The following DPY19L2 variants were observed in gnomAD, a reference collection of about 807,000 sequenced individuals.
DPY19L2 encodes dpy-19 like 2.
A neutral mutation model predicts 97.9 loss-of-function variants in DPY19L2; 34 were observed. The observed-to-expected ratio is 0.35, with a 90% CI of 0.26 to 0.46. DPY19L2 has a LOEUF of 0.46. Among genes scored for constraint, DPY19L2 ranks in the 20% least tolerant of loss-of-function variants. The probability of loss-of-function intolerance (pLI) is 1.00; values close to 1 mark genes in which losing one functional copy is unlikely to be tolerated. For synonymous variants in DPY19L2, 230 were observed against 307.9 expected (o/e 0.75, Z 2.65); for missense variants, 623 against 911.4 (o/e 0.68, Z 4.07).
chr12:63,668,124 C>A lies in DPY19L2; in HGVS notation c.270G>T (p.Ala90=). 1 of 1,614,052 alleles carries A rather than the reference C, an allele frequency of 6.2e-7. No individual in the cohort carries two copies. Among genetic ancestry groups the A allele is most frequent in the Non-Finnish European group, 8.5e-7 (1 of 1,179,986 alleles). The change falls in exon 1 of 22, where the codon GCG becomes GCT. Residue 90 remains alanine (A), a synonymous_variant. Transcript: ENST00000324472. Reference sequence around the variant, plus strand: ...GTTCCTGCACCTTTTCCCGGAGCTGCGCCAGGGAATTACGGACGAACTGGA... The same window carrying A: ...GTTCCTGCACCTTTTCCCGGAGCTGAGCCAGGGAATTACGGACGAACTGGA... ...GPFQFVRNSL[A]QLREKVQELQ...
In DPY19L2 at chr12:63,580,704, G is replaced by A. The variant is rs1880715694; in HGVS notation, c.1858C>T (p.Gln620Ter). The A allele has an allele frequency of 6.2e-7, 1 of 1,613,188 alleles. No individual in the cohort carries two copies. Among genetic ancestry groups the A allele is most frequent in the Non-Finnish European group, 8.5e-7 (1 of 1,179,566 alleles). ...TTGATCCACTGTAAAAGTTCTTCCT[G>A]AGGCAAATTATTAAATTCTCCTATT... ...SIIGEFNNLP[Q>*]EELLQWIKYS... Residue 620 changes from glutamine (Q) to a stop codon, truncating the protein, a stop_gained, in exon 19 of 22, where the codon CAG (glutamine) becomes TAG (stop). Transcript: ENST00000324472. LOFTEE classifies it high-confidence loss of function.
chr12:63,590,077 G>T (rs895071987), intron 16 of DPY19L2, among the ~76,000 whole-genome samples: 5 of 151,954 alleles, frequency 3.3e-5, no homozygotes, highest in African/African-American at 9.7e-5. Context: ...GCAGTGAGCC[G>T]AGATTGTGCC....
intron 16 of DPY19L2, among the ~76,000 whole-genome samples, chr12:63,592,023 GGGGA>G (rs1883122520): frequency 1.6e-4 from 3 of 18,200 alleles, no homozygotes; most frequent in Admixed American, 5.7e-4. Context: ...GGGGAGGGGA[GGGGA>G]GGGGAGGGGA....
chr12:63,611,072 C>A (rs903416363), intron 11 of DPY19L2, among the ~76,000 whole-genome samples: 18 of 151,632 alleles, frequency 1.2e-4, no homozygotes, highest in African/African-American at 4.3e-4. Flanking sequence ...CAAAACAAAC[C>A]AAAACTAAAC....
At chr12:63,591,047 C>T in intron 16 of DPY19L2, 1 of 455,704 alleles carries the variant, frequency 2.2e-6, no homozygotes, top group Non-Finnish European at 4.4e-6. Context: ...CCTTCATGTA[C>T]TCCTTATGGG....
chr12:63,603,087 T>C (rs1282356513), intron 12 of DPY19L2, among the ~76,000 whole-genome samples: 1 of 152,110 alleles, frequency 6.6e-6, no homozygotes, highest in Non-Finnish European at 1.5e-5. Context: ...GCCATTTCCA[T>C]ATGGAAACTA....
intron 16 of DPY19L2, among the ~76,000 whole-genome samples, chr12:63,592,159 A>C (rs73144591): frequency 0.017 from 2,486 of 146,656 alleles, 44 homozygotes; most frequent in Non-Finnish European, 0.023. Flanking sequence ...AGAAGGAAGG[A>C]AGGCAGGAAA....
Position 63,580,031 on chromosome 12 carries a change from A to T in DPY19L2, c.1900+631T>A, listed in dbSNP as rs1171414768. On this transcript the variant is annotated intron_variant, in intron 19 of 21. Transcript: ENST00000324472. ...CTTATTCTCTGGAAAGGTATTTAAA[A>T]ATATCTATCTGCTTGAGGTAGTTCT... Among the ~76,000 whole-genome samples, 12 of 152,258 alleles carry T rather than the reference A, an allele frequency of 7.9e-5. 1 individual carries two copies. The highest frequency in any genetic ancestry group is 1.6e-4 in the Non-Finnish European group (11 of 68,012).
chr12:63,605,939 G>A (rs1392209471), intron 12 of DPY19L2, among the ~76,000 whole-genome samples: 1 of 152,022 alleles, frequency 6.6e-6, no homozygotes, highest in Non-Finnish European at 1.5e-5. Flanking sequence ...ACACATAAAT[G>A]TGTTTTATTT....
intron 3 of DPY19L2, among the ~76,000 whole-genome samples, chr12:63,661,987 C>T (rs1175162878): frequency 6.6e-6 from 1 of 152,116 alleles, no homozygotes; most frequent in Non-Finnish European, 1.5e-5. Context: ...TTCATAGCTC[C>T]ATCTAATCCT....
At chr12:63,598,211 C>G (rs989187792) in intron 13 of DPY19L2, among the ~76,000 whole-genome samples, 26 of 151,944 alleles carry the variant, frequency 1.7e-4, no homozygotes, top group Non-Finnish European at 2.4e-4. Context: ...AATAAACCAC[C>G]ATGTAGTTAA....
At chr12:63,622,647 C>T (rs960511742) in intron 8 of DPY19L2, among the ~76,000 whole-genome samples, 3 of 152,030 alleles carry the variant, frequency 2.0e-5, no homozygotes, top group East Asian at 1.9e-4. Flanking sequence ...TATAATTGGC[C>T]GGGCACAGTG....
rs7310030 is a variant in DPY19L2 at position 63,626,541 on chromosome 12, C to A, written c.804-15G>T. The A allele has an allele frequency of 0.55, 746,462 of 1,349,922 alleles. 180,934 individuals carry two copies. Among genetic ancestry groups the A allele is most frequent in the African/African-American group, 0.68 (40,062 of 59,326 alleles). The allele number at this position is 1,349,922 out of a possible 1,614,324, so 83.6% of individuals were successfully genotyped here. On this transcript the variant is annotated splice_polypyrimidine_tract_variant and intron_variant, in intron 6 of 21. Transcript: ENST00000324472. ...GTTGAGTCCCACTGTAAAAAAAAAA[C>A]AAAAAAAACAGAGAATACAATCAAA...
intron 19 of DPY19L2, among the ~76,000 whole-genome samples, chr12:63,572,751 C>G (rs1015548107): frequency 6.6e-6 from 1 of 151,980 alleles, no homozygotes; most frequent in Non-Finnish European, 1.5e-5. Flanking sequence ...GAGAGAGACT[C>G]CATATGGGAG....
intron 21 of DPY19L2, among the ~76,000 whole-genome samples, chr12:63,563,083 C>T (rs1241786308): frequency 4.5e-5 from 5 of 110,238 alleles, no homozygotes; most frequent in Admixed American, 1.7e-4. Flanking sequence ...AGGCGTGAGC[C>T]AACCACTGCG....
rs542129979 is a variant in DPY19L2, at chr12:63,621,650, T to C, written c.954-313A>G. On this transcript the variant is annotated intron_variant, in intron 8 of 21. Transcript: ENST00000324472. ...TTACTCCAGCAAGGAGGTCAGAAAA[T>C]AGGATGCAGCACTGCCCCTGCACAC... Among the ~76,000 whole-genome samples the C allele has an allele frequency of 4.6e-5, 7 of 152,224 alleles. No individual in the cohort carries two copies. In the East Asian group the frequency reaches 1.4e-3, roughly 29 times the overall value.
chr12:63,562,798 C>CTTTTTTTTTTTTT (rs59380942), intron 21 of DPY19L2, among the ~76,000 whole-genome samples: 1 of 139,620 alleles, frequency 7.2e-6, no homozygotes. Flanking sequence ...TCCTTTTGTC[C>CTTTTTTTTTTTTT]TTTTTTTTTT....
At chr12:63,561,720 T>A (rs12811823) in intron 21 of DPY19L2, among the ~76,000 whole-genome samples, 25,614 of 150,786 alleles carry the variant, frequency 0.17, 2,259 homozygotes, top group Middle Eastern at 0.22. Flanking sequence ...TTGGTGACCA[T>A]GAACAATGCC....
chr12:63,666,579 G>C, intron 1 of DPY19L2: 1 of 400,374 alleles, frequency 2.5e-6, no homozygotes, highest in Admixed American at 2.9e-5. Context: ...AGAGAGAAGA[G>C]TGGGTAATAG....
Sources: allele counts gnomAD v4.1 joint callset (sites outside exome capture counted in the v4.1 genomes callset), GRCh38; gene constraint gnomAD v4.1.1; transcripts MANE v1.5; gene names NCBI Gene and HGNC (gene_info 2026-07-23, HGNC 2026-07-21).